Variants in NPAS1 observed in about 807,000 individuals in gnomAD.
NPAS1 encodes the protein neuronal PAS domain protein 1.
Under a neutral mutation model 49.2 loss-of-function variants are expected in NPAS1, and 29 were observed. The ratio of observed to expected loss-of-function variants is 0.59; its 90% CI spans 0.44 to 0.80. NPAS1 has a LOEUF of 0.80. Ranked by LOEUF, NPAS1 falls within the 30% of genes least tolerant of loss-of-function variation. The pLI is 0.00. For missense variants in NPAS1, 825 were observed against 835.5 expected, an observed-to-expected ratio of 0.99 and a Z score of 0.15; for synonymous variants, 408 against 380.4, an observed-to-expected ratio of 1.07 and a Z score of -0.84.
At position 47,039,080 on chromosome 19, in the gene NPAS1, C is replaced by T. The variant is rs768770389; in HGVS notation, c.733C>T (p.Arg245Cys). The T allele has an allele frequency of 7.4e-6, 12 of 1,613,968 alleles. No homozygotes were observed. Among genetic ancestry groups the T allele is most frequent in the African/African-American group, 5.3e-5 (4 of 74,908 alleles). Residue 245 changes from arginine to cysteine, a missense_variant, in exon 7 of 12, where the codon CGC (arginine) becomes TGC (cysteine). Transcript: ENST00000602212. ...KVPPSSLVQE[R>C]SFFVRMKSTL... Reference sequence around the variant, plus strand: ...GCCCCCCTCCTCCCTGGTCCAGGAGCGCTCCTTCTTTGTCCGCATGAAATC... The same window carrying T: ...GCCCCCCTCCTCCCTGGTCCAGGAGTGCTCCTTCTTTGTCCGCATGAAATC...
intron 5 of NPAS1, 55 bp from the exon 6 acceptor site, chr19:47,035,909 G>A (rs2056948897): frequency 6.9e-7 from 1 of 1,456,630 alleles, no homozygotes. Flanking sequence ...GAGGGCGAGC[G>A]AGTTACTGCG....
rs1217001082 is a variant in NPAS1, at chr19:47,021,699, G to A, written c.210G>A (p.Lys70=). Residue 70 remains lysine, a synonymous_variant, in exon 3 of 12, where the codon AAG becomes AAA. Coordinates refer to ENST00000602212, the MANE Select transcript of NPAS1 (RefSeq NM_002517.4). The surrounding 1 kb of genome is among the most constrained non-coding windows in gnomAD (Gnocchi z 5.7). ...ACCTGGAGTTCTTCGAGCTGGCCAAGCTTCTCCCGCTGCCCGGCGCCATCT... is the reference window on the plus strand; with the variant it reads ...ACCTGGAGTTCTTCGAGCTGGCCAAACTTCTCCCGCTGCCCGGCGCCATCT... ...KENLEFFELA[K]LLPLPGAISS... 2 of 1,558,278 alleles carry A rather than the reference G, an allele frequency of 1.3e-6. No homozygotes were observed. The highest frequency in any genetic ancestry group is 1.7e-6 in the Non-Finnish European group (2 of 1,152,992).
At chr19:47,023,695 G>A (rs553123625) in intron 3 of NPAS1, among the ~76,000 whole-genome samples, 3 of 152,254 alleles carry the variant, frequency 2.0e-5, no homozygotes, top group Non-Finnish European at 2.9e-5. Context: ...GCTCACATCC[G>A]TAATCCCAGC....
At chr19:47,028,978 G>T (rs2056889987) in intron 3 of NPAS1, among the ~76,000 whole-genome samples, 1 of 152,070 alleles carries the variant, frequency 6.6e-6, no homozygotes, top group South Asian at 2.1e-4. Flanking sequence ...GTCTCACTTT[G>T]TCTTGGTCTC....
chr19:47,021,075 G>T lies in NPAS1; in HGVS notation c.28G>T (p.Gly10Cys), dbSNP rs760670728. The change falls in exon 2 of 12, where the codon GGC becomes TGC. Residue 10 changes from glycine to cysteine, a missense_variant. Coordinates refer to ENST00000602212, the MANE Select transcript of NPAS1 (RefSeq NM_002517.4). The surrounding 1 kb of genome is among the most constrained non-coding windows in gnomAD (Gnocchi z 5.7). ...GGCGGCCCCCTATCCCGGCAGTGGC[G>T]GCGGAAGCGAGGTCAAATGCGTGGG... MAAPYPGSG[G>C]GSEVKCVGGR... 17 of 1,605,138 alleles carry T rather than the reference G, an allele frequency of 1.1e-5. No individual in the cohort carries two copies. The highest frequency in any genetic ancestry group is 1.3e-5 in the Non-Finnish European group (15 of 1,176,716).
chr19:47,030,296 A>G (rs998039171), intron 3 of NPAS1, among the ~76,000 whole-genome samples: 1 of 152,144 alleles, frequency 6.6e-6, no homozygotes, highest in Admixed American at 6.6e-5. Flanking sequence ...TGCTGGGATT[A>G]CAGGCATGAG....
Position 47,042,810 on chromosome 19 carries a change from C to T in NPAS1, c.1218C>T (p.Ser406=), listed in dbSNP as rs749039411. The T allele has an allele frequency of 5.6e-6, 9 of 1,601,826 alleles. No individual in the cohort carries two copies. Among genetic ancestry groups the T allele is most frequent in the Non-Finnish European group, 7.7e-6 (9 of 1,174,288 alleles). ...CTAACCGCATCCATCTTCTCCCCAG[C>T]CAAGCCGAGGGTGGCCAAACTCCTT... ...HHVLWVSHVL[S]QAEGGQTPLD... is the part of the protein sequence containing the mutation. Residue 406 remains serine, a splice_region_variant and synonymous_variant, in exon 11 of 12, where the codon AGC becomes AGT. Transcript: ENST00000602212.
At position 47,036,146 on chromosome 19, in the gene NPAS1, C is replaced by T. The variant is rs1164997088; in HGVS notation, c.688+17C>T. On this transcript the variant is annotated intron_variant, in intron 6 of 11. Coordinates refer to ENST00000602212, the MANE Select transcript of NPAS1 (RefSeq NM_002517.4). ...CCGAGATCGGTAATTCTAAGGGCTC[C>T]TAAAGAATGAAGTCTGAGGGTAGAT... The T allele has an allele frequency of 1.3e-6, 2 of 1,551,522 alleles. No individual in the cohort carries two copies. The highest frequency in any genetic ancestry group is 2.4e-5 in the East Asian group (1 of 41,034).
intron 6 of NPAS1, 73 bp from the exon 7 acceptor site, chr19:47,038,963 C>A: frequency 7.6e-7 from 1 of 1,312,776 alleles, no homozygotes; most frequent in Non-Finnish European, 1.1e-6. Context: ...GTCCGGCTGG[C>A]TCTGCAAGGG....
chr19:47,043,026 G>C, intron 11 of NPAS1, 122 bp downstream of exon 11: 1 of 732,378 alleles, frequency 1.4e-6, no homozygotes, highest in Non-Finnish European at 2.0e-6. Flanking sequence ...TTAAAATCCA[G>C]GCCGGTGCGG....
rs558070510 is a variant in NPAS1 at position 47,042,333 on chromosome 19, A to G, written c.1218-477A>G. On this transcript the variant is annotated intron_variant, in intron 10 of 11. Coordinates refer to ENST00000602212, the MANE Select transcript of NPAS1 (RefSeq NM_002517.4). ...CAAAAACAAGCAAGCAAACAAAAAA[A>G]CCCTTCTAGCTGCCATGAAGGAGGC... Among the ~76,000 whole-genome samples, 407 of 152,240 alleles carry G rather than the reference A, an allele frequency of 2.7e-3. 2 individuals carry two copies. Among genetic ancestry groups the G allele is most frequent in the African/African-American group, 9.0e-3 (372 of 41,544 alleles).
At position 47,021,430 on chromosome 19, in the gene NPAS1, G is replaced by GTTC. The variant is rs371321431; in HGVS notation, c.123-180_123-178dup. Among the ~76,000 whole-genome samples, 31 of 152,296 alleles carry GTTC rather than the reference G, an allele frequency of 2.0e-4. No individual in the cohort carries two copies. Among genetic ancestry groups the GTTC allele is most frequent in the African/African-American group, 7.2e-4 (30 of 41,566 alleles). On this transcript the variant is annotated intron_variant, in intron 2 of 11. Coordinates refer to ENST00000602212, the MANE Select transcript of NPAS1 (RefSeq NM_002517.4). This position sits in a 1 kb window ranked among gnomAD's most constrained non-coding sequence, Gnocchi z 5.7. The stretch of plus-strand genomic sequence containing the variant: ...CTTCCCACCAGAATTGACACTCGAG[G>GTTC]TTCTGTCCCTGGGTCGGAGTGTAAA...
rs374763120 is a variant in NPAS1, at chr19:47,043,030, G to A, written c.1312+126G>A. 2.1e-4 allele frequency: 143 copies of A among 694,684 alleles called. 1 individual carries two copies. The highest frequency in any genetic ancestry group is 2.9e-4 in the Non-Finnish European group (133 of 464,608). 43.0% of individuals were successfully genotyped at this position (694,684 alleles called of 1,614,324 possible). On this transcript the variant is annotated intron_variant, in intron 11 of 11. Transcript: ENST00000602212. Reference sequence around the variant, plus strand: ...TACAATTAAAATTAAAATCCAGGCCGGTGCGGTGGCTCACGCCTGTAATCC... The same window carrying A: ...TACAATTAAAATTAAAATCCAGGCCAGTGCGGTGGCTCACGCCTGTAATCC...
chr19:47,021,642 G>A lies in NPAS1; in HGVS notation c.153G>A (p.Arg51=), dbSNP rs781123215. ...CLQAQRKEKS[R]NAARSRRGKE... is the part of the protein sequence containing the mutation. ...AGGCGCAGCGCAAGGAGAAGTCCCG[G>A]AACGCGGCGCGCTCGCGGCGCGGGA... Residue 51 remains arginine, a synonymous_variant, in exon 3 of 12, where the codon CGG becomes CGA. Coordinates refer to ENST00000602212, the MANE Select transcript of NPAS1 (RefSeq NM_002517.4). This position sits in a 1 kb window ranked among gnomAD's most constrained non-coding sequence, Gnocchi z 5.7. The A allele has an allele frequency of 2.6e-6, 4 of 1,549,370 alleles. No homozygotes were observed. In the East Asian group the frequency reaches 7.4e-5, roughly 29 times the overall value.
chr19:47,039,022 ACT>A lies in NPAS1; in HGVS notation c.689-9_689-8del, dbSNP rs754151237. ...CTTCAGGACCCCATAACCTTCCTTC[ACT>A]CTCTGTCCCAGAGGCCAGCCTCACC... On this transcript the variant is annotated splice_polypyrimidine_tract_variant and intron_variant, in intron 6 of 11. Coordinates refer to ENST00000602212, the MANE Select transcript of NPAS1 (RefSeq NM_002517.4). The A allele has an allele frequency of 3.7e-5, 59 of 1,611,204 alleles. No homozygotes were observed. Among genetic ancestry groups the A allele is most frequent in the Non-Finnish European group, 4.4e-5 (52 of 1,178,022 alleles).
At chr19:47,039,712 G>A (rs1434341723) in intron 8 of NPAS1, 148 bp downstream of exon 8, 12 of 938,278 alleles carry the variant, frequency 1.3e-5, no homozygotes, top group Non-Finnish European at 1.7e-5. Flanking sequence ...ACAGGGTGAT[G>A]GGGAGAAGGG....
chr19:47,032,876 C>A, intron 5 of NPAS1, 144 bp downstream of exon 5: 1 of 644,382 alleles, frequency 1.6e-6, no homozygotes, highest in Non-Finnish European at 2.8e-6. Flanking sequence ...TGTTCCTTGG[C>A]ACCCCACATG....
At chr19:47,043,216 A>C (rs1376649455) in intron 11 of NPAS1, among the ~76,000 whole-genome samples, 1 of 139,054 alleles carries the variant, frequency 7.2e-6, no homozygotes, top group African/African-American at 2.8e-5. Flanking sequence ...GAATCGCTTG[A>C]ACCCGGGAGG....
Position 47,019,953 on chromosome 19 carries a change from C to T in NPAS1, c.-87C>T, listed in dbSNP as rs1259658492. On this transcript the variant is annotated 5_prime_UTR_variant, in exon 1 of 12. Transcript: ENST00000602212. Reference sequence around the variant, plus strand: ...CGCCCGGCCGGCCCCACGCCGCGCCCGGAGCCTGCTCTGCGGCCAAGTAAT... The same window carrying T: ...CGCCCGGCCGGCCCCACGCCGCGCCTGGAGCCTGCTCTGCGGCCAAGTAAT... 1 of 394,318 alleles carries T rather than the reference C, an allele frequency of 2.5e-6. No homozygotes were observed. The highest frequency in any genetic ancestry group is 4.4e-5 in the Admixed American group (1 of 22,568). 24.4% of individuals were successfully genotyped at this position (394,318 alleles called of 1,614,324 possible).
Sources: allele counts gnomAD v4.1 joint callset (sites outside exome capture counted in the v4.1 genomes callset), GRCh38; gene constraint gnomAD v4.1.1; non-coding constraint Gnocchi (gnomAD v3.1); transcripts MANE v1.5; gene names NCBI Gene and HGNC (gene_info 2026-07-23, HGNC 2026-07-21).